The following RAB6B variants were observed in gnomAD, a reference collection of about 807,000 sequenced individuals.
RAB6B encodes the protein ras-related protein Rab-6B.
A neutral mutation model predicts 31.2 loss-of-function variants in RAB6B; 7 were observed. That is an observed-to-expected ratio of 0.22 (90% confidence interval 0.13 to 0.42). The LOEUF is 0.42. Ranked by LOEUF, RAB6B falls within the 10% of genes least tolerant of loss-of-function variation. The pLI is 1.00. For synonymous variants in RAB6B, 105 were observed against 104.9 expected (o/e 1.00, Z -0.01); for missense variants, 149 against 280.6 (o/e 0.53, Z 3.35).
chr3:133,864,802 C>T (rs566038924), intron 1 of RAB6B, among the ~76,000 whole-genome samples, 160 bp from the exon 2 acceptor site: 48 of 151,302 alleles, frequency 3.2e-4, no homozygotes, highest in East Asian at 9.8e-4. Context: ...CTAGGGACCC[C>T]GTGGTGAGGC....
intron 1 of RAB6B, among the ~76,000 whole-genome samples, chr3:133,880,967 C>A (rs888414379): frequency 6.6e-6 from 1 of 152,186 alleles, no homozygotes; most frequent in Non-Finnish European, 1.5e-5. Context: ...TCCCAAGGAC[C>A]CTGGACCCGG....
chr3:133,864,465 C>T, intron 2 of RAB6B, 119 bp downstream of exon 2: 1 of 1,000,612 alleles, frequency 1.0e-6, no homozygotes, highest in South Asian at 1.3e-5. Context: ...GAAGCTCCTC[C>T]ATAGCAAAAT....
intron 2 of RAB6B, 137 bp from the exon 3 acceptor site, chr3:133,841,800 C>A: frequency 2.8e-6 from 2 of 713,946 alleles, no homozygotes; most frequent in South Asian, 1.8e-5. Context: ...GCTCTGTCCT[C>A]CCTGCCCCTC....
At chr3:133,864,268 C>G (rs987562975) in intron 2 of RAB6B, among the ~76,000 whole-genome samples, 2 of 152,152 alleles carry the variant, frequency 1.3e-5, no homozygotes, top group African/African-American at 4.8e-5. Flanking sequence ...CATCTTGTTC[C>G]TCTTCCACAT....
At chr3:133,883,310 C>T (rs1353858383) in intron 1 of RAB6B, among the ~76,000 whole-genome samples, 4 of 152,358 alleles carry the variant, frequency 2.6e-5, no homozygotes, top group Admixed American at 2.6e-4. Context: ...CTTCTCATTT[C>T]CCCTGCTTTG....
intron 2 of RAB6B, among the ~76,000 whole-genome samples, chr3:133,861,121 G>A (rs1347379810): frequency 1.3e-5 from 2 of 152,252 alleles, no homozygotes; most frequent in African/African-American, 4.8e-5. Context: ...GCCTGCAGAA[G>A]GGGAAGGGGG....
At chr3:133,842,649 G>A (rs1705096329) in intron 2 of RAB6B, among the ~76,000 whole-genome samples, 1 of 152,082 alleles carries the variant, frequency 6.6e-6, no homozygotes. Flanking sequence ...CAAAAAACAG[G>A]TTATAAAACA....
At chr3:133,836,998 C>A (rs1194904377) in intron 6 of RAB6B, among the ~76,000 whole-genome samples, 2 of 152,178 alleles carry the variant, frequency 1.3e-5, no homozygotes, top group Non-Finnish European at 1.5e-5. Context: ...CACAGCTTGC[C>A]AAGGGTTCCC....
At chr3:133,882,197 C>T (rs1218385218) in intron 1 of RAB6B, among the ~76,000 whole-genome samples, 1 of 152,204 alleles carries the variant, frequency 6.6e-6, no homozygotes, top group Non-Finnish European at 1.5e-5. Flanking sequence ...CACAGGCCCT[C>T]TCTCAGCACA....
chr3:133,862,142 A>G (rs1020302697), intron 2 of RAB6B, among the ~76,000 whole-genome samples: 5 of 151,796 alleles, frequency 3.3e-5, no homozygotes, highest in Non-Finnish European at 5.9e-5. Flanking sequence ...AAAAAAAAAA[A>G]AGAGAAAGCC....
At position 133,895,749 on chromosome 3, in the gene RAB6B, C is replaced by CGAGGCGCGGCGCTGGGAGA. The variant is rs1936703434; in HGVS notation, c.-302_-284dup. Reference sequence around the variant, plus strand: ...GTGCGAGGGGCGCGCTCTTTACGCCCGAGGCGCGGCGCTGGGAGAGAGGCG... The same window carrying CGAGGCGCGGCGCTGGGAGA: ...GTGCGAGGGGCGCGCTCTTTACGCCCGAGGCGCGGCGCTGGGAGAGAGGCGCGGCGCTGGGAGAGAGGCG... On this transcript the variant is annotated 5_prime_UTR_variant, in exon 1 of 8. Transcript: ENST00000285208. The CGAGGCGCGGCGCTGGGAGA allele has an allele frequency of 4.7e-6, 2 of 427,926 alleles. No individual in the cohort carries two copies. The highest frequency in any genetic ancestry group is 4.6e-5 in the Admixed American group (1 of 21,726). 26.5% of individuals were successfully genotyped at this position (427,926 alleles called of 1,614,324 possible). A position where few individuals can be genotyped will look rare whatever the true frequency, so the allele number is the denominator to read the frequency against.
intron 4 of RAB6B, 72 bp from the exon 5 acceptor site, chr3:133,839,689 G>A (rs915589684): frequency 1.8e-6 from 2 of 1,140,826 alleles, no homozygotes; most frequent in Non-Finnish European, 2.7e-6. Flanking sequence ...GGGGAGGTGT[G>A]AGCCAGGAGC....
intron 2 of RAB6B, among the ~76,000 whole-genome samples, chr3:133,861,234 A>C (rs2108001863): frequency 6.6e-6 from 1 of 152,352 alleles, no homozygotes; most frequent in East Asian, 1.9e-4. Flanking sequence ...ATATGAGAGA[A>C]CCACTGCAGA....
At chr3:133,835,221 T>C (rs1223825757) in intron 6 of RAB6B, among the ~76,000 whole-genome samples, 1 of 151,466 alleles carries the variant, frequency 6.6e-6, no homozygotes, top group Admixed American at 6.6e-5. Context: ...GGAGTGTGAG[T>C]TGTTTATTGT....
intron 1 of RAB6B, among the ~76,000 whole-genome samples, chr3:133,884,384 C>T (rs1936509463): frequency 6.6e-6 from 1 of 152,238 alleles, no homozygotes; most frequent in African/African-American, 2.4e-5. Context: ...CAGTGTCTGC[C>T]TCTACTCTGG....
At chr3:133,889,111 T>C (rs1936593838) in intron 1 of RAB6B, among the ~76,000 whole-genome samples, 1 of 152,120 alleles carries the variant, frequency 6.6e-6, no homozygotes, top group African/African-American at 2.4e-5. Context: ...TTCTGTCACC[T>C]TCCCCAGTGG....
intron 6 of RAB6B, 124 bp from the exon 7 acceptor site, chr3:133,834,765 C>T (rs548021856): frequency 1.7e-4 from 147 of 887,920 alleles, no homozygotes; most frequent in Non-Finnish European, 2.4e-4. Flanking sequence ...ATCTGCCCAG[C>T]GGACGGTGCC....
chr3:133,885,239 G>A (rs1936528618), intron 1 of RAB6B, among the ~76,000 whole-genome samples: 1 of 150,302 alleles, frequency 6.7e-6, no homozygotes, highest in Non-Finnish European at 1.5e-5. Context: ...AATGATTAGA[G>A]GACGGGAACT....
At chr3:133,855,910 G>GA (rs1330996991) in intron 2 of RAB6B, among the ~76,000 whole-genome samples, 1 of 152,154 alleles carries the variant, frequency 6.6e-6, no homozygotes, top group East Asian at 1.9e-4. Context: ...GTAATGGTGT[G>GA]ACTCAATTCT....
Sources: gnomAD v4.1 joint callset for allele counts (sites outside exome capture counted in the v4.1 genomes callset) on GRCh38, gnomAD v4.1.1 for gene constraint, MANE v1.5 for transcripts, NCBI Gene and HGNC (gene_info 2026-07-23, HGNC 2026-07-21) for gene names.